Variants in FRMD4B observed in about 807,000 individuals in gnomAD.
The protein encoded by FRMD4B is FERM domain-containing protein 4B.
A neutral mutation model predicts 141.5 loss-of-function variants in FRMD4B; 74 were observed. The ratio of observed to expected loss-of-function variants is 0.52; its 90% CI spans 0.43 to 0.63. The LOEUF (loss-of-function observed/expected upper bound fraction) is 0.63. FRMD4B is among the 30% of genes least tolerant of loss of function. The pLI, the probability that FRMD4B is intolerant of heterozygous loss-of-function variation, is 0.00. For synonymous variants in FRMD4B, 506 were observed against 467.9 expected, an observed-to-expected ratio of 1.08 and a Z score of -1.05; for missense variants, 1,366 against 1,253.4, an observed-to-expected ratio of 1.09 and a Z score of -1.36.
intron 1 of FRMD4B, among the ~76,000 whole-genome samples, chr3:69,468,915 T>A (rs1346267284): frequency 6.6e-6 from 1 of 152,160 alleles, no homozygotes; most frequent in Non-Finnish European, 1.5e-5. Flanking sequence ...AACTTTGCCA[T>A]CAATACAGAC....
intron 1 of FRMD4B, chr3:69,432,802 A>G (rs904061936): frequency 4.6e-5 from 7 of 152,226 alleles, no homozygotes; most frequent in African/African-American, 1.7e-4. Flanking sequence ...TTCTGTAGGC[A>G]CAGGAGGAGA....
chr3:69,535,284 ATAT>A (rs1407639404), intron 1 of FRMD4B, among the ~76,000 whole-genome samples: 1 of 152,172 alleles, frequency 6.6e-6, no homozygotes, highest in Non-Finnish European at 1.5e-5. Flanking sequence ...AACTCAACAA[ATAT>A]TATGTGATTT....
At chr3:69,373,192 G>A (rs1410685678) in intron 1 of FRMD4B, among the ~76,000 whole-genome samples, 4 of 152,198 alleles carry the variant, frequency 2.6e-5, no homozygotes, top group East Asian at 1.9e-4. Context: ...AAGAATAGAT[G>A]TGGCAGTTTT....
rs367603851 is a variant in FRMD4B, at chr3:69,181,241, G to T, written c.2509C>A (p.Pro837Thr). Reference protein sequence around the residue: ...NDTEGQYSVNPSYRSSAHYGY... With the variant: ...NDTEGQYSVNTSYRSSAHYGY... ...TAGTGGGCTGAGGACCGGTAGGAAGGGTTGACACTATACTGTCCCTCGGTG... is the reference window on the plus strand; with the variant it reads ...TAGTGGGCTGAGGACCGGTAGGAAGTGTTGACACTATACTGTCCCTCGGTG... Residue 837 changes from proline (P) to threonine (T), a missense_variant, in exon 21 of 23, where the codon CCT becomes ACT. Coordinates refer to ENST00000398540, the MANE Select transcript of FRMD4B (RefSeq NM_015123.3). The T allele has an allele frequency of 1.9e-6, 3 of 1,613,742 alleles. No homozygotes were observed. Among genetic ancestry groups the T allele is most frequent in the African/African-American group, 1.3e-5 (1 of 75,036 alleles).
chr3:69,336,079 C>G (rs968329401), intron 1 of FRMD4B, among the ~76,000 whole-genome samples: 1 of 144,334 alleles, frequency 6.9e-6, no homozygotes, highest in Non-Finnish European at 1.5e-5. Context: ...TTTCTTTACC[C>G]CTCAAGAACC....
intron 1 of FRMD4B, among the ~76,000 whole-genome samples, chr3:69,464,184 A>C (rs2106927305): frequency 6.6e-6 from 1 of 152,348 alleles, no homozygotes; most frequent in South Asian, 2.1e-4. Flanking sequence ...GATTTGTATT[A>C]AACTTTTGCT....
chr3:69,285,134 G>C (rs749730622), intron 5 of FRMD4B, among the ~76,000 whole-genome samples: 2 of 152,182 alleles, frequency 1.3e-5, no homozygotes, highest in African/African-American at 4.8e-5. Context: ...CCGCACTCCA[G>C]CCTGGGCAAC....
At chr3:69,474,763 G>C (rs1228220781) in intron 1 of FRMD4B, among the ~76,000 whole-genome samples, 1 of 152,110 alleles carries the variant, frequency 6.6e-6, no homozygotes, top group Non-Finnish European at 1.5e-5. Flanking sequence ...GCCACACAAG[G>C]GGCAAGAGTG....
chr3:69,302,347 CA>C lies in FRMD4B; in HGVS notation c.411del (p.Val138Ter). 1 of 1,581,430 alleles carries C rather than the reference CA, an allele frequency of 6.3e-7. No individual in the cohort carries two copies. The highest frequency in any genetic ancestry group is 8.7e-7 in the Non-Finnish European group (1 of 1,152,364). ...ACTGGGTCTGTGGATACATACCTCA[CA>C]GCAAAGTGCAAAATGGTTGGGCCTG... ...KKPGPTILHF[A>X]VRFYIESISF... On this transcript the variant is annotated frameshift_variant, in exon 4 of 23. Coordinates refer to ENST00000398540, the MANE Select transcript of FRMD4B (RefSeq NM_015123.3). LOFTEE classifies it high-confidence loss of function.
chr3:69,213,617 T>C (rs1273133479), intron 11 of FRMD4B, among the ~76,000 whole-genome samples: 1 of 151,584 alleles, frequency 6.6e-6, no homozygotes, highest in East Asian at 1.9e-4. Flanking sequence ...TGCTCTCTCA[T>C]TGTCCTCTAC....
chr3:69,478,735 G>C (rs1706052392), intron 1 of FRMD4B, among the ~76,000 whole-genome samples: 1 of 152,152 alleles, frequency 6.6e-6, no homozygotes, highest in Non-Finnish European at 1.5e-5. Context: ...TTGGTGCAGA[G>C]CTGAGTTCAA....
intron 1 of FRMD4B, among the ~76,000 whole-genome samples, chr3:69,455,739 C>G (rs1236849982): frequency 6.6e-6 from 1 of 152,200 alleles, no homozygotes; most frequent in Non-Finnish European, 1.5e-5. Context: ...AAAGTTTTAA[C>G]TACGAATTTT....
chr3:69,454,387 T>C (rs1257633024), intron 1 of FRMD4B, among the ~76,000 whole-genome samples: 2 of 152,172 alleles, frequency 1.3e-5, no homozygotes, highest in Non-Finnish European at 2.9e-5. Flanking sequence ...CCCCTCTCTC[T>C]GGGCTGGTTG....
At position 69,205,156 on chromosome 3, in the gene FRMD4B, A is replaced by T. The variant is rs2093012286; in HGVS notation, c.877-6382T>A. On this transcript the variant is annotated intron_variant, in intron 11 of 22. Coordinates refer to ENST00000398540, the MANE Select transcript of FRMD4B (RefSeq NM_015123.3). ...TTACAGCAGCCATTTGCGGGATAGG[A>T]CTGAGTCCCCCCCCTTTTTTTTTTG... 4.0e-5 allele frequency among the ~76,000 whole-genome samples: 6 copies of T among 150,840 alleles called. No individual in the cohort carries two copies. The South Asian group carries it at 1.3e-3, about 32-fold the overall frequency.
chr3:69,463,781 G>A (rs1378739433), intron 1 of FRMD4B, among the ~76,000 whole-genome samples: 3 of 152,148 alleles, frequency 2.0e-5, no homozygotes, highest in Non-Finnish European at 4.4e-5. Context: ...GCAAACTTTG[G>A]CTCATGATGC....
intron 1 of FRMD4B, among the ~76,000 whole-genome samples, chr3:69,475,627 TC>T (rs1705980868): frequency 1.3e-5 from 2 of 152,170 alleles, no homozygotes; most frequent in African/African-American, 4.8e-5. Context: ...TTGGGTTGGT[TC>T]CAAGTCTTTG....
intron 11 of FRMD4B, chr3:69,200,987 T>C: frequency 2.7e-6 from 1 of 371,466 alleles, no homozygotes. Flanking sequence ...TTGGACTCCA[T>C]TCAGCCTGTC....
chr3:69,229,994 T>G (rs536180126), intron 7 of FRMD4B, among the ~76,000 whole-genome samples: 1 of 151,816 alleles, frequency 6.6e-6, no homozygotes, highest in Admixed American at 6.6e-5. Flanking sequence ...TTTTTTTTTT[T>G]GATATGGAGT....
chr3:69,531,477 G>A (rs1228372979), intron 1 of FRMD4B, among the ~76,000 whole-genome samples: 1 of 152,180 alleles, frequency 6.6e-6, no homozygotes, highest in East Asian at 1.9e-4. Context: ...AAAGAGGTAA[G>A]CTTCAATTAC....
Sources: gnomAD v4.1 joint callset for allele counts (sites outside exome capture counted in the v4.1 genomes callset) on GRCh38, gnomAD v4.1.1 for gene constraint, MANE v1.5 for transcripts, NCBI Gene and HGNC (gene_info 2026-07-23, HGNC 2026-07-21) for gene names.